Variants in DCANP1 observed in about 807,000 individuals in gnomAD.
DCANP1 encodes dendritic cell nuclear protein 1.
For synonymous variants in DCANP1, 139 were observed against 124.2 expected, an observed-to-expected ratio of 1.12 and a Z score of -0.79; for missense variants, 328 against 293.7, an observed-to-expected ratio of 1.12 and a Z score of -0.85.
Position 135,446,529 on chromosome 5 carries a change from A to G in DCANP1, c.580T>C (p.Trp194Arg), listed in dbSNP as rs766764026. 5 of 1,614,022 alleles carry G rather than the reference A, an allele frequency of 3.1e-6. No individual in the cohort carries two copies. The South Asian group carries it at 5.5e-5, about 18-fold the overall frequency. ...GCCCTGAAGCCAGCCTGACGGTTCCAGCTGTTAGGAGAAAGTGAAGGTGGG... is the reference window on the plus strand; with the variant it reads ...GCCCTGAAGCCAGCCTGACGGTTCCGGCTGTTAGGAGAAAGTGAAGGTGGG... ...WHPPSLSPNS[W>R]NRQAGFRAWS... The change falls in exon 1 of 1, where the codon TGG (tryptophan) becomes CGG (arginine). Residue 194 changes from tryptophan (W) to arginine (R), a missense_variant. Coordinates refer to ENST00000503143, the MANE Select transcript of DCANP1 (RefSeq NM_130848.3).
Position 135,447,264 on chromosome 5 carries a change from C to A in DCANP1, c.-156G>T. 1 of 883,746 alleles carries A rather than the reference C, an allele frequency of 1.1e-6. No individual in the cohort carries two copies. The highest frequency in any genetic ancestry group is 1.7e-6 in the Non-Finnish European group (1 of 577,254). 54.7% of individuals were successfully genotyped at this position (883,746 alleles called of 1,614,324 possible). On this transcript the variant is annotated 5_prime_UTR_variant, in exon 1 of 1. Transcript: ENST00000503143. Reference sequence around the variant, plus strand: ...CTGATGCAAGGAGCAGATTAAAATCCCCTCCCTGTTGCCTACCAGGTCCGT... The same window carrying A: ...CTGATGCAAGGAGCAGATTAAAATCACCTCCCTGTTGCCTACCAGGTCCGT...
Position 135,444,598 on chromosome 5 carries a change from A to C in DCANP1, c.*1776T>G, listed in dbSNP as rs1032004784. Reference sequence around the variant, plus strand: ...GGTGGCTCAGCTGGCAGCCCACTGCAGGGGTGGTGGAGGTCGCAATGCGCT... The same window carrying C: ...GGTGGCTCAGCTGGCAGCCCACTGCCGGGGTGGTGGAGGTCGCAATGCGCT... On this transcript the variant is annotated 3_prime_UTR_variant, in exon 1 of 1. Transcript: ENST00000503143. The C allele has an allele frequency of 1.3e-5, 2 of 152,296 alleles. No individual in the cohort carries two copies. Among genetic ancestry groups the C allele is most frequent in the Non-Finnish European group, 2.9e-5 (2 of 68,094 alleles). The allele number at this position is 152,296 out of a possible 1,614,324, so 9.4% of individuals were successfully genotyped here.
In DCANP1 at chr5:135,446,441, C is replaced by A. The variant is rs1356266728; in HGVS notation, c.668G>T (p.Ser223Ile). ...TCSDSQSRRV[S>I]SSQQPPLHSL... ...ATGCAGTGGAGGTTGTTGGGAGGAACTCACCCGCCTGCTCTGGCTGTCTGA... is the reference window on the plus strand; with the variant it reads ...ATGCAGTGGAGGTTGTTGGGAGGAAATCACCCGCCTGCTCTGGCTGTCTGA... Residue 223 changes from serine (S) to isoleucine (I), a missense_variant, in exon 1 of 1, where the codon AGT (serine) becomes ATT (isoleucine). Coordinates refer to ENST00000503143, the MANE Select transcript of DCANP1 (RefSeq NM_130848.3). 6.2e-7 allele frequency: 1 copy of A among 1,612,856 alleles called. No individual in the cohort carries two copies. The highest frequency in any genetic ancestry group is 8.5e-7 in the Non-Finnish European group (1 of 1,178,912).
rs1385083781 is a variant in DCANP1 at position 135,446,023 on chromosome 5, C to T, written c.*351G>A. On this transcript the variant is annotated 3_prime_UTR_variant, in exon 1 of 1. Coordinates refer to ENST00000503143, the MANE Select transcript of DCANP1 (RefSeq NM_130848.3). The stretch of plus-strand genomic sequence containing the variant: ...CCTGAGTGTAGACTGGGTCCATGTG[C>T]CTACATGCATTCAGTTCCTCCCACC... 1.5e-5 allele frequency: 3 copies of T among 205,920 alleles called. No homozygotes were observed. The highest frequency in any genetic ancestry group is 3.0e-5 in the Non-Finnish European group (3 of 101,384). The allele number at this position is 205,920 out of a possible 1,614,324, so 12.8% of individuals were successfully genotyped here. A position where few individuals can be genotyped will look rare whatever the true frequency, so the allele number is the denominator to read the frequency against.
chr5:135,446,043 C>T lies in DCANP1; in HGVS notation c.*331G>A, dbSNP rs115328649. 9.0e-3 allele frequency: 1,967 copies of T among 218,314 alleles called. 17 individuals are homozygous for T. The highest frequency in any genetic ancestry group is 0.019 in the Middle Eastern group (11 of 574). The allele number at this position is 218,314 out of a possible 1,614,324, so 13.5% of individuals were successfully genotyped here. On this transcript the variant is annotated 3_prime_UTR_variant, in exon 1 of 1. Transcript: ENST00000503143. ...ATGTGCCTACATGCATTCAGTTCCT[C>T]CCACCAAACTGGACAGTGATAGCTA...
In DCANP1 at chr5:135,447,159, A is replaced by G. The variant is rs1561707518; in HGVS notation, c.-51T>C. 6.2e-7 allele frequency: 1 copy of G among 1,611,526 alleles called. No individual in the cohort carries two copies. The highest frequency in any genetic ancestry group is 8.5e-7 in the Non-Finnish European group (1 of 1,178,322). On this transcript the variant is annotated 5_prime_UTR_variant, in exon 1 of 1. Transcript: ENST00000503143. ...ACAGATCACTGCTGCTTTTCATCAGACCAAAATACATGTGGCTTCTTCTCC... is the reference window on the plus strand; with the variant it reads ...ACAGATCACTGCTGCTTTTCATCAGGCCAAAATACATGTGGCTTCTTCTCC...
At position 135,446,318 on chromosome 5, in the gene DCANP1, T is replaced by A. The variant is rs1197409051; in HGVS notation, c.*56A>T. The A allele has an allele frequency of 6.5e-7, 1 of 1,535,866 alleles. No homozygotes were observed. Among genetic ancestry groups the A allele is most frequent in the Admixed American group, 1.9e-5 (1 of 51,420 alleles). On this transcript the variant is annotated 3_prime_UTR_variant, in exon 1 of 1. Transcript: ENST00000503143. ...GGGAGCAGCGTTCATGTGCACTGTATGTTCGTGTTTAGTGTATGTCTGTGC... is the reference window on the plus strand; with the variant it reads ...GGGAGCAGCGTTCATGTGCACTGTAAGTTCGTGTTTAGTGTATGTCTGTGC...
In DCANP1 at chr5:135,446,608, G is replaced by A. The variant is rs372001818; in HGVS notation, c.501C>T (p.Ser167=). Residue 167 remains serine (S), a synonymous_variant, in exon 1 of 1, where the codon TCC becomes TCT. Coordinates refer to ENST00000503143, the MANE Select transcript of DCANP1 (RefSeq NM_130848.3). ...QVFKAVKLCP[S]ETSFFLSRKS... The stretch of plus-strand genomic sequence containing the variant: ...TTCTACTCAAGAAAAATGAAGTCTC[G>A]GATGGGCAGAGCTTAACTGCCTTAA... 228 of 1,613,898 alleles carry A rather than the reference G, an allele frequency of 1.4e-4. No individual in the cohort carries two copies. The highest frequency in any genetic ancestry group is 1.7e-4 in the Non-Finnish European group (197 of 1,179,900).
At position 135,446,209 on chromosome 5, in the gene DCANP1, T is replaced by C. The variant is rs768158734; in HGVS notation, c.*165A>G. On this transcript the variant is annotated 3_prime_UTR_variant, in exon 1 of 1. Transcript: ENST00000503143. ...TGTGGCACGGAGAGATTCAGTTACT[T>C]GTCCAGGATCACAGAACTATAGTAA... 3.1e-5 allele frequency: 25 copies of C among 816,896 alleles called. No individual in the cohort carries two copies. Among genetic ancestry groups the C allele is most frequent in the Non-Finnish European group, 4.7e-5 (25 of 530,834 alleles). The allele number at this position is 816,896 out of a possible 1,614,324, so 50.6% of individuals were successfully genotyped here.
chr5:135,444,410 A>G lies in DCANP1; in HGVS notation c.*1964T>C, dbSNP rs1258141051. The G allele has an allele frequency of 6.6e-6, 1 of 152,280 alleles. No homozygotes were observed. Among genetic ancestry groups the G allele is most frequent in the Non-Finnish European group, 1.5e-5 (1 of 68,072 alleles). The allele number at this position is 152,280 out of a possible 1,614,324, so 9.4% of individuals were successfully genotyped here. Reference sequence around the variant, plus strand: ...GTGCGGTGTCCGGTGAACGGCTGCAATGCAGGTTAGGCTGCCACCATGAGG... The same window carrying G: ...GTGCGGTGTCCGGTGAACGGCTGCAGTGCAGGTTAGGCTGCCACCATGAGG... On this transcript the variant is annotated 3_prime_UTR_variant, in exon 1 of 1. Coordinates refer to ENST00000503143, the MANE Select transcript of DCANP1 (RefSeq NM_130848.3).
At position 135,446,246 on chromosome 5, in the gene DCANP1, G is replaced by T. The variant is rs991656407; in HGVS notation, c.*128C>A. ...CAGAACTATAGTAAGTGGGGGTGGG[G>T]ACAAGAATTCTAACCCAGGCAGCAG... On this transcript the variant is annotated 3_prime_UTR_variant, in exon 1 of 1. Transcript: ENST00000503143. 1 of 1,149,316 alleles carries T rather than the reference G, an allele frequency of 8.7e-7. No homozygotes were observed. The highest frequency in any genetic ancestry group is 1.2e-6 in the Non-Finnish European group (1 of 809,778). The allele number at this position is 1,149,316 out of a possible 1,614,324, so 71.2% of individuals were successfully genotyped here.
the DCANP1 span, chr5:135,446,528 C>T: frequency 5.6e-6 from 9 of 1,613,962 alleles, no homozygotes; most frequent in Middle Eastern, 1.6e-4. Context: ...CTGACGGTTC[C>T]AGCTGTTAGG....
At position 135,446,758 on chromosome 5, in the gene DCANP1, TCTG is replaced by T. The variant is rs755463178; in HGVS notation, c.348_350del (p.Ser116del). 2 of 1,613,972 alleles carry T rather than the reference TCTG, an allele frequency of 1.2e-6. No homozygotes were observed. Among genetic ancestry groups the T allele is most frequent in the Non-Finnish European group, 1.7e-6 (2 of 1,179,856 alleles). On this transcript the variant is annotated inframe_deletion, in exon 1 of 1. Coordinates refer to ENST00000503143, the MANE Select transcript of DCANP1 (RefSeq NM_130848.3). ...CCCGCCTGGTCTGGCCTGTCTTCCT[TCTG>T]CTGCTATGCAGTTCATCCTGGGTCC...
rs1353475672 is a variant in DCANP1, at chr5:135,446,956, A to T, written c.153T>A (p.Asn51Lys). 1.9e-6 allele frequency: 3 copies of T among 1,612,928 alleles called. No homozygotes were observed. The highest frequency in any genetic ancestry group is 2.5e-6 in the Non-Finnish European group (3 of 1,179,364). ...HSPAPPENFG[N>K]ELLPLSAPLQ... The stretch of plus-strand genomic sequence containing the variant: ...GAGGGGCACTCAGGGGCAGCAGCTC[A>T]TTCCCAAAGTTCTCTGGTGGAGCTG... Residue 51 changes from asparagine (N) to lysine (K), a missense_variant, in exon 1 of 1, where the codon AAT becomes AAA. By Grantham distance (94) the Asn-to-Lys change is moderately conservative. Transcript: ENST00000503143.
rs760406830 is a variant in DCANP1 at position 135,446,414 on chromosome 5, G to T, written c.695C>A (p.Ser232Tyr). ...VSSSQQPPLH[S>Y]LSSHRRAAHV... ...GGCTGCCCTGCGGTGGGAGCTGAGA[G>T]AATGCAGTGGAGGTTGTTGGGAGGA... is the stretch of plus-strand genomic sequence containing the variant. Residue 232 changes from serine to tyrosine, a missense_variant, in exon 1 of 1, where the codon TCT becomes TAT. Ser to Tyr is a moderately radical substitution (Grantham distance 144, BLOSUM62 -2). Coordinates refer to ENST00000503143, the MANE Select transcript of DCANP1 (RefSeq NM_130848.3). The T allele has an allele frequency of 6.2e-7, 1 of 1,610,572 alleles. No homozygotes were observed. The highest frequency in any genetic ancestry group is 1.1e-5 in the South Asian group (1 of 90,970).
Position 135,447,280 on chromosome 5 carries a change from C to T in DCANP1, c.-172G>A. 1 of 766,536 alleles carries T rather than the reference C, an allele frequency of 1.3e-6. No homozygotes were observed. Among genetic ancestry groups the T allele is most frequent in the Admixed American group, 2.8e-5 (1 of 35,972 alleles). 47.5% of individuals were successfully genotyped at this position (766,536 alleles called of 1,614,324 possible). A position where few individuals can be genotyped will look rare whatever the true frequency, so the allele number is the denominator to read the frequency against. ...ATTAAAATCCCCTCCCTGTTGCCTA[C>T]CAGGTCCGTGGCTACAACTAAATCC... On this transcript the variant is annotated 5_prime_UTR_variant, in exon 1 of 1. Coordinates refer to ENST00000503143, the MANE Select transcript of DCANP1 (RefSeq NM_130848.3).
At position 135,446,814 on chromosome 5, in the gene DCANP1, A is replaced by G. The variant is rs112992518; in HGVS notation, c.295T>C (p.Ser99Pro). Reference protein sequence around the residue: ...LHRGLCNSNLSSEASARPSGT... With the variant: ...LHRGLCNSNLPSEASARPSGT... ...GAGGGCCTCGCAGATGCTTCACTCGAAAGATTGGAGTTGCAGAGTCCCCTG... is the reference window on the plus strand; with the variant it reads ...GAGGGCCTCGCAGATGCTTCACTCGGAAGATTGGAGTTGCAGAGTCCCCTG... The change falls in exon 1 of 1, where the codon TCG becomes CCG. Residue 99 changes from serine to proline, a missense_variant. Coordinates refer to ENST00000503143, the MANE Select transcript of DCANP1 (RefSeq NM_130848.3). The G allele has an allele frequency of 1.3e-3, 2,119 of 1,613,882 alleles. 20 individuals are homozygous for G. In the African/African-American group the frequency reaches 0.024, roughly 18 times the overall value.
chr5:135,446,943 G>T lies in DCANP1; in HGVS notation c.166C>A (p.Leu56Met), dbSNP rs780435690. The T allele has an allele frequency of 3.5e-5, 56 of 1,612,796 alleles. No individual in the cohort carries two copies. In the East Asian group the frequency reaches 1.2e-3, roughly 34 times the overall value. Residue 56 changes from leucine to methionine, a missense_variant, in exon 1 of 1, where the codon CTG becomes ATG. Transcript: ENST00000503143. Reference sequence around the variant, plus strand: ...CTGAGGCCCTGGAGAGGGGCACTCAGGGGCAGCAGCTCATTCCCAAAGTTC... The same window carrying T: ...CTGAGGCCCTGGAGAGGGGCACTCATGGGCAGCAGCTCATTCCCAAAGTTC... ...PENFGNELLP[L>M]SAPLQGLSEG...
chr5:135,445,030 C>T lies in DCANP1; in HGVS notation c.*1344G>A, dbSNP rs900968547. On this transcript the variant is annotated 3_prime_UTR_variant, in exon 1 of 1. Transcript: ENST00000503143. ...CCCAGGGGTGGAGAGAGGGGTCAGACTAGAACCTATGGAGACTTGGTGGGC... is the reference window on the plus strand; with the variant it reads ...CCCAGGGGTGGAGAGAGGGGTCAGATTAGAACCTATGGAGACTTGGTGGGC... 2.0e-5 allele frequency: 3 copies of T among 152,298 alleles called. No individual in the cohort carries two copies. Among genetic ancestry groups the T allele is most frequent in the African/African-American group, 7.2e-5 (3 of 41,424 alleles). 9.4% of individuals were successfully genotyped at this position (152,298 alleles called of 1,614,324 possible). A position where few individuals can be genotyped will look rare whatever the true frequency, so the allele number is the denominator to read the frequency against.
Sources: gnomAD v4.1 joint callset for allele counts on GRCh38, gnomAD v4.1.1 for gene constraint, MANE v1.5 for transcripts, NCBI Gene and HGNC (gene_info 2026-07-23, HGNC 2026-07-21) for gene names.